The following SOX13 variants were observed in gnomAD, a reference collection of about 807,000 sequenced individuals.
SOX13 encodes the protein transcription factor SOX-13.
SOX13 carries 28 observed loss-of-function variants against 71.8 expected under a neutral mutation model. The observed-to-expected ratio is 0.39, with a 90% CI of 0.29 to 0.53. SOX13 has a LOEUF of 0.53. Among genes scored for constraint, SOX13 ranks in the 20% least tolerant of loss-of-function variants. The probability of loss-of-function intolerance (pLI) is 0.70; values close to 1 mark genes in which losing one functional copy is unlikely to be tolerated. For synonymous variants in SOX13, 309 were observed against 317.8 expected (o/e 0.97, Z 0.29); for missense variants, 627 against 810.3 (o/e 0.77, Z 2.75).
intron 2 of SOX13, 68 bp downstream of exon 2, chr1:204,113,202 GC>G (rs1431910318): frequency 1.6e-6 from 2 of 1,278,572 alleles, no homozygotes; most frequent in East Asian, 2.5e-5. Context: ...GCTCGGCTGG[GC>G]AGGCCCACTC....
chr1:204,089,313 G>T (rs1349062050), intron 1 of SOX13, among the ~76,000 whole-genome samples: 1 of 152,156 alleles, frequency 6.6e-6, no homozygotes, highest in African/African-American at 2.4e-5. Context: ...CCCGTGTGGG[G>T]AGGCACTCCT....
Position 204,073,705 on chromosome 1 carries a change from C to G in SOX13, c.-8C>G, listed in dbSNP as rs1655720628. The G allele has an allele frequency of 6.6e-6, 1 of 152,398 alleles. No individual in the cohort carries two copies. Among genetic ancestry groups the G allele is most frequent in the Non-Finnish European group, 1.5e-5 (1 of 68,226 alleles). The allele number at this position is 152,398 out of a possible 1,614,324, so 9.4% of individuals were successfully genotyped here. Reference sequence around the variant, plus strand: ...CCCGAGCCCCGAGCCCGGCGCCTGGCTGAGTAGTAAGTGCACCCCTCCCCG... The same window carrying G: ...CCCGAGCCCCGAGCCCGGCGCCTGGGTGAGTAGTAAGTGCACCCCTCCCCG... On this transcript the variant is annotated 5_prime_UTR_variant, in exon 1 of 14. Coordinates refer to ENST00000367204, the MANE Select transcript of SOX13 (RefSeq NM_005686.3). The surrounding 1 kb of genome is among the most constrained non-coding windows in gnomAD (Gnocchi z 6.8).
chr1:204,097,131 C>A (rs901966424), intron 1 of SOX13, among the ~76,000 whole-genome samples: 1 of 152,168 alleles, frequency 6.6e-6, no homozygotes, highest in Non-Finnish European at 1.5e-5. Flanking sequence ...TCCCTCCTGT[C>A]ACAGCAGCAG....
rs745470833 is a variant in SOX13 at position 204,116,343 on chromosome 1, C to T, written c.419-164C>T. On this transcript the variant is annotated intron_variant, in intron 4 of 13. Transcript: ENST00000367204. ...GCCAGGTAGCAACATGAAGAGCCCC[C>T]TTCAAGGCAAGCATCTTGTGTCATC... 5 of 1,550,810 alleles carry T rather than the reference C, an allele frequency of 3.2e-6. No homozygotes were observed. In the South Asian group the frequency reaches 3.6e-5, roughly 11 times the overall value.
chr1:204,114,914 G>A (rs1656658070), intron 4 of SOX13, among the ~76,000 whole-genome samples: 1 of 152,166 alleles, frequency 6.6e-6, no homozygotes, highest in Non-Finnish European at 1.5e-5. Context: ...AAAATGAGCA[G>A]AAAGTTCCCT....
In SOX13 at chr1:204,125,890, CAG is replaced by C. The variant is rs1255069666; in HGVS notation, c.1627_1628del (p.Asp543CysfsTer23). ...GCTGGCCAGGTGCAGATGAGCTCCT[CAG>C]ATGTCCTGTACCCTCGGGCAGCAGG... On this transcript the variant is annotated frameshift_variant, in exon 14 of 14. Transcript: ENST00000367204. LOFTEE classifies it high-confidence loss of function. 3.1e-6 allele frequency: 5 copies of C among 1,612,706 alleles called. No homozygotes were observed. The highest frequency in any genetic ancestry group is 3.4e-6 in the Non-Finnish European group (4 of 1,179,696).
chr1:204,082,112 T>C (rs2102222518), intron 1 of SOX13, among the ~76,000 whole-genome samples: 1 of 150,288 alleles, frequency 6.7e-6, no homozygotes, highest in Middle Eastern at 3.4e-3. Context: ...GATGTGTGTG[T>C]GAGTGTAATG....
Position 204,123,226 on chromosome 1 carries a change from G to C in SOX13, c.1231+18G>C, listed in dbSNP as rs184873429. 8 of 1,590,520 alleles carry C rather than the reference G, an allele frequency of 5.0e-6. No homozygotes were observed. The East Asian group carries it at 1.6e-4, about 31-fold the overall frequency. On this transcript the variant is annotated intron_variant, in intron 11 of 13. Coordinates refer to ENST00000367204, the MANE Select transcript of SOX13 (RefSeq NM_005686.3). This position sits in a 1 kb window ranked among gnomAD's most constrained non-coding sequence, Gnocchi z 5.0. ...CATGGATGGTGAGGGCTCAGGCGCA[G>C]GGCTGATGCGCAGGAGGGCCCAACT... is the stretch of plus-strand genomic sequence containing the variant.
intron 1 of SOX13, among the ~76,000 whole-genome samples, chr1:204,094,557 G>A (rs551484981): frequency 2.3e-4 from 35 of 152,314 alleles, no homozygotes; most frequent in Admixed American, 1.6e-3. Context: ...CCCAATGCGG[G>A]CAGAGAGAGG....
chr1:204,091,134 A>T lies in SOX13; in HGVS notation c.-2+17423A>T, dbSNP rs115185715. Among the ~76,000 whole-genome samples the T allele has an allele frequency of 4.2e-3, 633 of 152,306 alleles. 6 individuals carry two copies. The highest frequency in any genetic ancestry group is 0.015 in the African/African-American group (622 of 41,562). ...CTGTTCTTTTCCTTTCCATTCAAAG[A>T]CATTTTTGCTGCCTTCCGTATTGAA... On this transcript the variant is annotated intron_variant, in intron 1 of 13. Coordinates refer to ENST00000367204, the MANE Select transcript of SOX13 (RefSeq NM_005686.3).
rs139033195 is a variant in SOX13, at chr1:204,089,128, C to T, written c.-2+15417C>T. 2.2e-3 allele frequency among the ~76,000 whole-genome samples: 335 copies of T among 149,420 alleles called. 2 individuals carry two copies. In the South Asian group the frequency reaches 0.025, roughly 11 times the overall value. ...AGTCTCTGTTACTAGCAATTTATTA[C>T]ATCCGGGTCTCCAGCCAAGCACATT... On this transcript the variant is annotated intron_variant, in intron 1 of 13. Coordinates refer to ENST00000367204, the MANE Select transcript of SOX13 (RefSeq NM_005686.3).
At position 204,126,118 on chromosome 1, in the gene SOX13, T is replaced by C. The variant is rs1467235477; in HGVS notation, c.1853T>C (p.Val618Ala). 1 of 1,613,700 alleles carries C rather than the reference T, an allele frequency of 6.2e-7. No homozygotes were observed. The highest frequency in any genetic ancestry group is 1.3e-5 in the African/African-American group (1 of 74,896). Reference protein sequence around the residue: ...EGEEKSDGELVVLTD With the variant: ...EGEEKSDGELAVLTD Reference sequence around the variant, plus strand: ...GAAGAGAAGAGCGATGGGGAGTTGGTGGTGCTCACAGACTGATCCCGGCTG... The same window carrying C: ...GAAGAGAAGAGCGATGGGGAGTTGGCGGTGCTCACAGACTGATCCCGGCTG... Residue 618 changes from valine to alanine, a missense_variant, in exon 14 of 14, where the codon GTG (valine) becomes GCG (alanine). Physicochemically the swap from Val to Ala is moderately conservative, Grantham distance 64 (BLOSUM62 0). Around this residue, in one of 3 missense-constraint regions of SOX13, gnomAD observed 148 missense variants for 192.7 expected, o/e 0.77. Transcript: ENST00000367204.
intron 1 of SOX13, among the ~76,000 whole-genome samples, chr1:204,087,968 G>C (rs946404636): frequency 6.6e-6 from 1 of 152,184 alleles, no homozygotes; most frequent in Non-Finnish European, 1.5e-5. Context: ...TGGTCTATGC[G>C]GTATGTCTGA....
intron 1 of SOX13, among the ~76,000 whole-genome samples, chr1:204,076,035 A>G (rs1018462220): frequency 4.6e-5 from 7 of 151,274 alleles, no homozygotes; most frequent in Admixed American, 4.6e-4. Context: ...TATCCTTCTT[A>G]CTCCTTGTCT....
At chr1:204,106,173 T>C (rs1321713663) in intron 1 of SOX13, among the ~76,000 whole-genome samples, 2 of 152,192 alleles carry the variant, frequency 1.3e-5, no homozygotes, top group African/African-American at 2.4e-5. Context: ...GTGTTTCTTA[T>C]CCGACCCAAG....
intron 1 of SOX13, among the ~76,000 whole-genome samples, chr1:204,094,820 A>G (rs771921353): frequency 6.6e-6 from 1 of 152,220 alleles, no homozygotes; most frequent in Non-Finnish European, 1.5e-5. Context: ...AAATGGAAGC[A>G]TCAAATGAAC....
At position 204,073,830 on chromosome 1, in the gene SOX13, T is replaced by G. The variant is rs192811139; in HGVS notation, c.-2+119T>G. On this transcript the variant is annotated intron_variant, in intron 1 of 13. Coordinates refer to ENST00000367204, the MANE Select transcript of SOX13 (RefSeq NM_005686.3). This position sits in a 1 kb window ranked among gnomAD's most constrained non-coding sequence, Gnocchi z 6.8. ...CCACCGGCTCTCTTCCCTGCGAGTT[T>G]CCACCCTGTGCAAAGTTTTTCGAGG... is the stretch of plus-strand genomic sequence containing the variant. 2.0e-5 allele frequency: 3 copies of G among 152,400 alleles called. No individual in the cohort carries two copies. Among genetic ancestry groups the G allele is most frequent in the East Asian group, 3.9e-4 (2 of 5,144 alleles). 9.4% of individuals were successfully genotyped at this position (152,400 alleles called of 1,614,324 possible). A position where few individuals can be genotyped will look rare whatever the true frequency, so the allele number is the denominator to read the frequency against.
rs890426173 is a variant in SOX13 at position 204,117,726 on chromosome 1, G to A, written c.775+19G>A. The A allele has an allele frequency of 6.5e-7, 1 of 1,544,726 alleles. No individual in the cohort carries two copies. The highest frequency in any genetic ancestry group is 8.9e-7 in the Non-Finnish European group (1 of 1,120,208). The stretch of plus-strand genomic sequence containing the variant: ...AAACCAGGTGAGTGTGAGAAGGGAG[G>A]TTCCACCACTGCGGCCAGCCTGTCC... On this transcript the variant is annotated intron_variant, in intron 7 of 13. Transcript: ENST00000367204.
At position 204,122,293 on chromosome 1, in the gene SOX13, C is replaced by T. The variant is rs760432038; in HGVS notation, c.918C>T (p.Asn306=). The part of the protein sequence containing the change: ...TAKPKAPELP[N]TSSSPSLKMS... ...AGCCCAAGGCCCCCGAGCTGCCCAACACCTCCAGCTCCCCAAGCCTGAAGA... is the reference window on the plus strand; with the variant it reads ...AGCCCAAGGCCCCCGAGCTGCCCAATACCTCCAGCTCCCCAAGCCTGAAGA... Residue 306 remains asparagine, a synonymous_variant, in exon 9 of 14, where the codon AAC becomes AAT. Coordinates refer to ENST00000367204, the MANE Select transcript of SOX13 (RefSeq NM_005686.3). 5.7e-6 allele frequency: 9 copies of T among 1,586,262 alleles called. No individual in the cohort carries two copies. In the Admixed American group the frequency reaches 8.9e-5, roughly 16 times the overall value.
Sources: gnomAD v4.1 joint callset for allele counts (sites outside exome capture counted in the v4.1 genomes callset) on GRCh38, gnomAD v4.1.1 for gene constraint, gnomAD v4.1.1 regional missense constraint, Gnocchi (gnomAD v3.1) non-coding constraint, MANE v1.5 for transcripts, NCBI Gene and HGNC (gene_info 2026-07-23, HGNC 2026-07-21) for gene names.